FNBP1: variants seen among roughly 807,000 people sequenced by gnomAD.
FNBP1 encodes the protein formin-binding protein 1.
A neutral mutation model predicts 90.6 loss-of-function variants in FNBP1; 26 were observed. The ratio of observed to expected loss-of-function variants is 0.29; its 90% CI spans 0.21 to 0.40. The LOEUF (loss-of-function observed/expected upper bound fraction) is 0.40. Among genes scored for constraint, FNBP1 ranks in the 10% least tolerant of loss-of-function variants. The pLI is 1.00. For missense variants in FNBP1, 635 were observed against 768.0 expected, an observed-to-expected ratio of 0.83 and a Z score of 2.05; for synonymous variants, 260 against 265.2, an observed-to-expected ratio of 0.98 and a Z score of 0.19.
intron 11 of FNBP1, among the ~76,000 whole-genome samples, chr9:129,914,757 C>CTATATATATATA (rs756342214): frequency 1.3e-4 from 14 of 109,976 alleles, no homozygotes; most frequent in South Asian, 5.7e-4. Context: ...ATACATATGT[C>CTATATATATATA]TATATATATA....
chr9:129,977,467 C>T (rs988283572), intron 4 of FNBP1, among the ~76,000 whole-genome samples: 4 of 148,242 alleles, frequency 2.7e-5, no homozygotes, highest in African/African-American at 9.9e-5. Context: ...ATTTTTTTGA[C>T]CTACTTACAA....
At chr9:129,963,771 C>T (rs562645291) in intron 4 of FNBP1, among the ~76,000 whole-genome samples, 7 of 152,130 alleles carry the variant, frequency 4.6e-5, no homozygotes, top group Admixed American at 6.6e-5. Context: ...TGCGCCACCA[C>T]GCCCGGCTAA....
At chr9:129,991,983 A>T (rs1007055791) in intron 2 of FNBP1, among the ~76,000 whole-genome samples, 1 of 152,148 alleles carries the variant, frequency 6.6e-6, no homozygotes, top group African/African-American at 2.4e-5. Flanking sequence ...TTCTAAGTGG[A>T]GACTTTGAGC....
chr9:129,929,852 G>T (rs982617813), intron 6 of FNBP1, among the ~76,000 whole-genome samples, 157 bp from the exon 7 acceptor site: 2 of 152,134 alleles, frequency 1.3e-5, no homozygotes, highest in African/African-American at 4.8e-5. Context: ...GAATTGAATT[G>T]ACTTTAGGTA....
intron 6 of FNBP1, among the ~76,000 whole-genome samples, chr9:129,945,683 C>T (rs1259889774): frequency 1.3e-5 from 2 of 152,206 alleles, no homozygotes; most frequent in Non-Finnish European, 2.9e-5. Context: ...GTTGGCTTCA[C>T]AGAGTTGGCA....
chr9:130,045,660 A>C (rs1428165055), upstream of FNBP1, among the ~76,000 whole-genome samples: 1 of 152,234 alleles, frequency 6.6e-6, no homozygotes. Context: ...ATTATACAAC[A>C]CTGCAAATAT....
At chr9:129,973,272 C>T (rs554292740) in intron 4 of FNBP1, among the ~76,000 whole-genome samples, 2 of 152,256 alleles carry the variant, frequency 1.3e-5, no homozygotes, top group South Asian at 4.1e-4. Context: ...CCTCAGAAAA[C>T]CTGGATTTGA....
chr9:129,911,942 A>AC (rs1271659402), intron 11 of FNBP1, among the ~76,000 whole-genome samples: 1 of 151,560 alleles, frequency 6.6e-6, no homozygotes, highest in Non-Finnish European at 1.5e-5. Context: ...AAAAAAAAAA[A>AC]AAAAACCCAA....
intron 6 of FNBP1, among the ~76,000 whole-genome samples, chr9:129,931,814 CCAAA>C (rs1380355507): frequency 2.7e-5 from 4 of 147,980 alleles, no homozygotes; most frequent in African/African-American, 7.5e-5. Context: ...AAACAAAACA[CCAAA>C]CAAACAAAAA....
chr9:129,925,414 G>A lies in FNBP1; in HGVS notation c.790-257C>T, dbSNP rs1353144457. Among the ~76,000 whole-genome samples, 4 of 151,746 alleles carry A rather than the reference G, an allele frequency of 2.6e-5. No homozygotes were observed. The South Asian group carries it at 6.3e-4, about 24-fold the overall frequency. ...CCAGCTACTCAGGAGGCTGAGGCAG[G>A]AGAATGGCATGAACCCAGGAGGCGG... On this transcript the variant is annotated intron_variant, in intron 8 of 16. Transcript: ENST00000446176.
chr9:129,982,912 C>T (rs950744479), intron 2 of FNBP1, among the ~76,000 whole-genome samples: 3 of 152,202 alleles, frequency 2.0e-5, no homozygotes, highest in Non-Finnish European at 4.4e-5. Context: ...AGTCCTCTCA[C>T]CTCAGCCTCC....
chr9:130,001,927 C>T (rs2054910078), intron 1 of FNBP1, among the ~76,000 whole-genome samples: 1 of 151,284 alleles, frequency 6.6e-6, no homozygotes, highest in Non-Finnish European at 1.5e-5. Flanking sequence ...ACTCAGGAGG[C>T]TGAGGCAGGA....
intron 1 of FNBP1, among the ~76,000 whole-genome samples, chr9:130,040,349 T>C (rs770810679): frequency 2.6e-5 from 4 of 152,210 alleles, no homozygotes; most frequent in Non-Finnish European, 5.9e-5. Context: ...TCAAGCGTGG[T>C]GGCTCACGCC....
At chr9:129,950,892 C>G (rs2046056589) in intron 6 of FNBP1, among the ~76,000 whole-genome samples, 1 of 151,800 alleles carries the variant, frequency 6.6e-6, no homozygotes, top group Admixed American at 6.6e-5. Context: ...CTCCAGAGCT[C>G]AAGCGATCCT....
chr9:129,927,147 A>G (rs764460130), intron 8 of FNBP1, 48 bp downstream of exon 8: 9 of 1,593,696 alleles, frequency 5.6e-6, no homozygotes, highest in Admixed American at 3.4e-5. Context: ...GGGGAGAAAT[A>G]ATGGATCTGC....
intron 6 of FNBP1, among the ~76,000 whole-genome samples, chr9:129,940,876 C>T (rs949145989): frequency 4.6e-5 from 7 of 151,872 alleles, no homozygotes; most frequent in Non-Finnish European, 7.4e-5. Flanking sequence ...CTGCCCACCT[C>T]GGCCTCCCAA....
Position 129,957,444 on chromosome 9 carries a change from G to C in FNBP1, c.429C>G (p.Arg143=). 6.2e-7 allele frequency: 1 copy of C among 1,613,328 alleles called. No homozygotes were observed. Among genetic ancestry groups the C allele is most frequent in the Non-Finnish European group, 8.5e-7 (1 of 1,179,416 alleles). The change falls in exon 6 of 17, where the codon CGC becomes CGG. Residue 143 remains arginine (R), a synonymous_variant. Coordinates refer to ENST00000446176, the MANE Select transcript of FNBP1 (RefSeq NM_015033.3). The surrounding 1 kb of genome is among the most constrained non-coding windows in gnomAD (Gnocchi z 4.3). ...GCGCCCTGTCCGCCTCTTTGCAATC[G>C]CGTTCAAATCGCCTTTTACTCTAAA... ...QLESSKRRFE[R]DCKEADRAQQ...
In FNBP1 at chr9:129,888,992, C is replaced by T. The variant is rs1489078978; in HGVS notation, c.*1547G>A. ...ACGTCATCCCCAGGCTTCCGTGGCG[C>T]TCTCGGTCACAGGAGCTCTAGGCCA... On this transcript the variant is annotated 3_prime_UTR_variant, in exon 17 of 17. Coordinates refer to ENST00000446176, the MANE Select transcript of FNBP1 (RefSeq NM_015033.3). 1 of 206,822 alleles carries T rather than the reference C, an allele frequency of 4.8e-6. No individual in the cohort carries two copies. Among genetic ancestry groups the T allele is most frequent in the Non-Finnish European group, 9.7e-6 (1 of 102,924 alleles). 12.8% of individuals were successfully genotyped at this position (206,822 alleles called of 1,614,324 possible). A position where few individuals can be genotyped will look rare whatever the true frequency, so the allele number is the denominator to read the frequency against.
chr9:129,949,509 AAC>A (rs1310231084), intron 6 of FNBP1, among the ~76,000 whole-genome samples: 4 of 152,188 alleles, frequency 2.6e-5, no homozygotes, highest in Non-Finnish European at 4.4e-5. Context: ...GCTGGCATCT[AAC>A]ACAATGCCAA....
Sources: allele counts gnomAD v4.1 joint callset (sites outside exome capture counted in the v4.1 genomes callset), GRCh38; gene constraint gnomAD v4.1.1; non-coding constraint Gnocchi (gnomAD v3.1); transcripts MANE v1.5; gene names NCBI Gene and HGNC (gene_info 2026-07-23, HGNC 2026-07-21).